TENM3: variants seen among roughly 807,000 people sequenced by gnomAD.
The protein encoded by TENM3 is teneurin-3.
In TENM3, 63 loss-of-function variants were observed where a neutral mutation model predicts 255.1. That is an observed-to-expected ratio of 0.25 (90% confidence interval 0.20 to 0.30). The LOEUF is 0.30. Ranked by LOEUF, TENM3 falls within the 10% of genes least tolerant of loss-of-function variation. The probability of loss-of-function intolerance (pLI) is 1.00; values close to 1 mark genes in which losing one functional copy is unlikely to be tolerated. For synonymous variants in TENM3, 1,306 were observed against 1,322.3 expected (o/e 0.99, Z 0.27); for missense variants, 2,929 against 3,461.1 (o/e 0.85, Z 3.86).
intron 2 of TENM3, among the ~76,000 whole-genome samples, chr4:182,325,280 C>T (rs1763318386): frequency 1.3e-5 from 2 of 152,264 alleles, no homozygotes; most frequent in East Asian, 1.9e-4. Context: ...TGCAATAAAT[C>T]GTTCAAAAGT....
At chr4:182,788,519 T>A (rs1022287036) in intron 24 of TENM3, among the ~76,000 whole-genome samples, 1 of 152,208 alleles carries the variant, frequency 6.6e-6, no homozygotes, top group African/African-American at 2.4e-5. Context: ...GTTAACCAGA[T>A]CTTCTCCAAA....
chr4:182,489,909 G>A (rs1219019411), intron 3 of TENM3, among the ~76,000 whole-genome samples: 1 of 150,346 alleles, frequency 6.7e-6, no homozygotes, highest in Non-Finnish European at 1.5e-5. Flanking sequence ...TCCCCCTTCT[G>A]GGATGTTGCC....
At chr4:181,820,644 G>A in the TENM3 span, among the ~76,000 whole-genome samples, 1 of 152,090 alleles carries the variant, frequency 6.6e-6, no homozygotes, top group African/African-American at 2.4e-5. Flanking sequence ...ATCCCATAGC[G>A]AAAGCACCAC....
chr4:182,792,188 A>ATGT lies in TENM3; in HGVS notation c.5602-84_5602-82dup, dbSNP rs1766158621. On this transcript the variant is annotated intron_variant, in intron 25 of 27. Coordinates refer to ENST00000511685, the MANE Select transcript of TENM3 (RefSeq NM_001080477.4). This position sits in a 1 kb window ranked among gnomAD's most constrained non-coding sequence, Gnocchi z 6.3. ...AATGAAAATCATTTTCTCTAGTGGAATGTTTCTGTGCATCTGTGGTCACTA... is the reference window on the plus strand; with the variant it reads ...AATGAAAATCATTTTCTCTAGTGGAATGTTGTTTCTGTGCATCTGTGGTCACTA... 1 of 1,186,962 alleles carries ATGT rather than the reference A, an allele frequency of 8.4e-7. No individual in the cohort carries two copies. The highest frequency in any genetic ancestry group is 1.5e-5 in the African/African-American group (1 of 65,372). The allele number at this position is 1,186,962 out of a possible 1,614,324, so 73.5% of individuals were successfully genotyped here.
chr4:181,963,131 T>C, the TENM3 span, among the ~76,000 whole-genome samples: 3 of 152,224 alleles, frequency 2.0e-5, no homozygotes, highest in Non-Finnish European at 4.4e-5. Flanking sequence ...ATATTACCAC[T>C]GTAGCAAGAG....
intron 3 of TENM3, among the ~76,000 whole-genome samples, chr4:182,461,531 A>G (rs545025652): frequency 6.6e-6 from 1 of 152,336 alleles, no homozygotes; most frequent in South Asian, 2.1e-4. Context: ...AATTTAGCAT[A>G]GAAAACAATC....
At chr4:182,302,527 C>T (rs947584742) in intron 1 of TENM3, among the ~76,000 whole-genome samples, 1 of 152,012 alleles carries the variant, frequency 6.6e-6, no homozygotes, top group African/African-American at 2.4e-5. Context: ...GGTCATCTTT[C>T]CCTCTAACAA....
chr4:181,649,991 G>A, the TENM3 span, among the ~76,000 whole-genome samples: 1 of 152,156 alleles, frequency 6.6e-6, no homozygotes, highest in African/African-American at 2.4e-5. Context: ...AATTTTGACA[G>A]CAGAGACAAA....
chr4:182,066,590 TAA>T, the TENM3 span, among the ~76,000 whole-genome samples: 1,413 of 136,302 alleles, frequency 0.01, 16 homozygotes, highest in African/African-American at 0.025. Flanking sequence ...AGAATTATGG[TAA>T]AAAAAAAATA....
At chr4:181,666,785 G>A in the TENM3 span, among the ~76,000 whole-genome samples, 1 of 152,080 alleles carries the variant, frequency 6.6e-6, no homozygotes, top group South Asian at 2.1e-4. Flanking sequence ...ACTGGATTTA[G>A]TAAGTTTCCT....
At chr4:182,052,033 G>T in the TENM3 span, among the ~76,000 whole-genome samples, 1 of 152,030 alleles carries the variant, frequency 6.6e-6, no homozygotes, top group South Asian at 2.1e-4. Context: ...GGTATTACTG[G>T]CCTCCAGCAG....
At chr4:182,187,582 G>A (rs1278989419) in intron 1 of TENM3, among the ~76,000 whole-genome samples, 1 of 151,956 alleles carries the variant, frequency 6.6e-6, no homozygotes, top group Non-Finnish European at 1.5e-5. Flanking sequence ...TCAGAAATGG[G>A]CATGCTCATT....
intron 3 of TENM3, among the ~76,000 whole-genome samples, chr4:182,540,686 G>C (rs1241197369): frequency 6.6e-6 from 1 of 152,168 alleles, no homozygotes; most frequent in Non-Finnish European, 1.5e-5. Context: ...CAGCGGTGTT[G>C]AGTAAGCACC....
Position 182,679,690 on chromosome 4 carries a change from G to T in TENM3, c.1351G>T (p.Gly451Cys), listed in dbSNP as rs770352723. 1 of 1,612,964 alleles carries T rather than the reference G, an allele frequency of 6.2e-7. No homozygotes were observed. Among genetic ancestry groups the T allele is most frequent in the Admixed American group, 1.7e-5 (1 of 60,028 alleles). ...TQYDFVELLD[G>C]SRLIAREQRS... The stretch of plus-strand genomic sequence containing the variant: ...GTATGACTTCGTGGAGCTCCTGGAT[G>T]GCAGCAGGCTGATTGCCAGAGAGCA... The change falls in exon 8 of 28, where the codon GGC becomes TGC. Residue 451 changes from glycine (G) to cysteine (C), a missense_variant. This residue lies in a region of TENM3 where 1,608 missense variants were observed against 1,884.4 expected (regional missense o/e 0.85). Transcript: ENST00000511685.
the TENM3 span, among the ~76,000 whole-genome samples, chr4:181,628,977 G>T: frequency 0.089 from 13,561 of 152,116 alleles, 641 homozygotes; most frequent in East Asian, 0.14. Flanking sequence ...GCATAGAATG[G>T]TCTTCCATTT....
chr4:181,896,629 A>G, the TENM3 span, among the ~76,000 whole-genome samples: 19 of 152,308 alleles, frequency 1.2e-4, no homozygotes, highest in South Asian at 1.0e-3. Flanking sequence ...AGAAATGAGG[A>G]TTCTCACAAA....
chr4:181,721,854 T>C, the TENM3 span, among the ~76,000 whole-genome samples: 1 of 152,056 alleles, frequency 6.6e-6, no homozygotes. Context: ...GGTGTGGCTG[T>C]CACTGACTTA....
the TENM3 span, among the ~76,000 whole-genome samples, chr4:181,767,109 G>C: frequency 0.45 from 62,429 of 138,786 alleles, 14,782 homozygotes; most frequent in Non-Finnish European, 0.5. Flanking sequence ...AAAATTAGCA[G>C]GGCGTGGTGG....
chr4:182,468,794 T>A (rs979923987), intron 3 of TENM3, among the ~76,000 whole-genome samples: 3 of 150,966 alleles, frequency 2.0e-5, no homozygotes, highest in Non-Finnish European at 4.4e-5. Context: ...AGTCTTCAAG[T>A]AAATTGAAAA....
Sources: gnomAD v4.1 joint callset for allele counts (sites outside exome capture counted in the v4.1 genomes callset) on GRCh38, gnomAD v4.1.1 for gene constraint, gnomAD v4.1.1 regional missense constraint, Gnocchi (gnomAD v3.1) non-coding constraint, MANE v1.5 for transcripts, NCBI Gene and HGNC (gene_info 2026-07-23, HGNC 2026-07-21) for gene names.